The following DTNA variants were observed in gnomAD, a reference collection of about 807,000 sequenced individuals.
The protein encoded by DTNA is dystrophin-related protein 3.
DTNA carries 43 observed loss-of-function variants against 100.7 expected under a neutral mutation model. The observed-to-expected ratio is 0.43, with a 90% confidence interval of 0.33 to 0.55. DTNA has a LOEUF of 0.55. DTNA is among the 20% of genes least tolerant of loss of function. The pLI is 0.04. For missense variants in DTNA, 798 were observed against 953.9 expected (o/e 0.84, Z 2.15); for synonymous variants, 349 against 347.9 (o/e 1.00, Z -0.04).
At chr18:34,682,359 G>T (rs1485071051) in intron 1 of DTNA, among the ~76,000 whole-genome samples, 2 of 152,108 alleles carry the variant, frequency 1.3e-5, no homozygotes, top group Admixed American at 1.3e-4. Flanking sequence ...ATTACTTTTT[G>T]ATTTAATTAC....
At chr18:34,882,515 T>C (rs996818895) in intron 21 of DTNA, among the ~76,000 whole-genome samples, 1 of 152,022 alleles carries the variant, frequency 6.6e-6, no homozygotes, top group Non-Finnish European at 1.5e-5. Context: ...ACTACGGGCA[T>C]GCACCACCAC....
At chr18:34,884,872 C>T in intron 22 of DTNA, 96 bp downstream of exon 22, 1 of 1,401,178 alleles carries the variant, frequency 7.1e-7, no homozygotes, top group Non-Finnish European at 1.0e-6. Context: ...TTAGTCATTT[C>T]TTTCTATGTG....
intron 1 of DTNA, among the ~76,000 whole-genome samples, chr18:34,685,315 A>T (rs1230318686): frequency 6.6e-6 from 1 of 152,150 alleles, no homozygotes; most frequent in African/African-American, 2.4e-5. Flanking sequence ...TAATTTTTGT[A>T]TGAGGTGTAA....
intron 1 of DTNA, among the ~76,000 whole-genome samples, chr18:34,536,473 A>G (rs1333058800): frequency 1.3e-5 from 2 of 151,998 alleles, no homozygotes; most frequent in Admixed American, 1.3e-4. Flanking sequence ...ATCTGGGAAA[A>G]GTGATAGCTC....
At chr18:34,558,953 C>G (rs957268417) in intron 1 of DTNA, among the ~76,000 whole-genome samples, 1 of 152,196 alleles carries the variant, frequency 6.6e-6, no homozygotes, top group Admixed American at 6.5e-5. Flanking sequence ...CTGTGACAAA[C>G]TGCATATGCT....
intron 1 of DTNA, among the ~76,000 whole-genome samples, chr18:34,548,445 A>T (rs955872910): frequency 5.3e-5 from 8 of 152,134 alleles, no homozygotes; most frequent in African/African-American, 1.7e-4. Flanking sequence ...AGTAGAAACA[A>T]TCTCATTTGA....
chr18:34,645,717 A>T (rs1379112354), intron 1 of DTNA, among the ~76,000 whole-genome samples: 1 of 152,136 alleles, frequency 6.6e-6, no homozygotes, highest in African/African-American at 2.4e-5. Context: ...GAGTCTCTTC[A>T]GTTTCCTGCA....
intron 1 of DTNA, among the ~76,000 whole-genome samples, chr18:34,747,374 T>G (rs981367453): frequency 1.6e-4 from 25 of 152,164 alleles, no homozygotes; most frequent in Admixed American, 7.2e-4. Context: ...TTTTGGGGGC[T>G]ATAGGTGGTT....
intron 1 of DTNA, among the ~76,000 whole-genome samples, chr18:34,565,429 C>T (rs1304916626): frequency 1.3e-5 from 2 of 152,156 alleles, no homozygotes; most frequent in Non-Finnish European, 2.9e-5. Context: ...GTATTGGCTT[C>T]CTAGGGCTGT....
intron 1 of DTNA, among the ~76,000 whole-genome samples, chr18:34,573,746 T>C (rs907756053): frequency 6.6e-6 from 1 of 152,224 alleles, no homozygotes; most frequent in African/African-American, 2.4e-5. Flanking sequence ...TTTCAAAATA[T>C]CATACATTGT....
At chr18:34,850,447 G>T (rs2096459428) in intron 14 of DTNA, among the ~76,000 whole-genome samples, 1 of 152,152 alleles carries the variant, frequency 6.6e-6, no homozygotes, top group African/African-American at 2.4e-5. Context: ...AAAATTTCTT[G>T]TTAGCTATAT....
intron 17 of DTNA, among the ~76,000 whole-genome samples, chr18:34,872,517 G>GT (rs747989502): frequency 9.2e-5 from 14 of 152,264 alleles, no homozygotes; most frequent in Admixed American, 2.6e-4. Context: ...TGCAGATATC[G>GT]TATCAGTTAC....
At chr18:34,565,515 CA>C (rs1208523739) in intron 1 of DTNA, among the ~76,000 whole-genome samples, 3 of 152,132 alleles carry the variant, frequency 2.0e-5, no homozygotes, top group African/African-American at 7.2e-5. Context: ...GCTAGAAGTC[CA>C]AAATCAAAGC....
chr18:34,779,086 G>T (rs559014096), intron 3 of DTNA, among the ~76,000 whole-genome samples: 2 of 151,932 alleles, frequency 1.3e-5, no homozygotes, highest in African/African-American at 4.8e-5. Context: ...CCCTCCATGT[G>T]CCAGGTGCTC....
At chr18:34,713,062 C>T (rs2083222449) in intron 1 of DTNA, among the ~76,000 whole-genome samples, 1 of 151,672 alleles carries the variant, frequency 6.6e-6, no homozygotes, top group African/African-American at 2.4e-5. Flanking sequence ...TATTATTGAC[C>T]ACTATGTAAT....
At chr18:34,723,854 G>A (rs1223210643) in intron 1 of DTNA, among the ~76,000 whole-genome samples, 1 of 151,842 alleles carries the variant, frequency 6.6e-6, no homozygotes, top group African/African-American at 2.4e-5. Flanking sequence ...AGCCAAGATC[G>A]TGCCACTGCA....
At chr18:34,578,266 A>G (rs1479402872) in intron 1 of DTNA, among the ~76,000 whole-genome samples, 1 of 151,956 alleles carries the variant, frequency 6.6e-6, no homozygotes, top group African/African-American at 2.4e-5. Flanking sequence ...GGCCATTTGT[A>G]TATCTTCTTT....
intron 1 of DTNA, among the ~76,000 whole-genome samples, chr18:34,729,098 A>G (rs1246902123): frequency 2.0e-5 from 3 of 152,234 alleles, no homozygotes; most frequent in Non-Finnish European, 4.4e-5. Flanking sequence ...AAAAGAGAGT[A>G]TGATGTCAAT....
chr18:34,673,204 G>T (rs1485437598), intron 1 of DTNA, among the ~76,000 whole-genome samples: 1 of 152,064 alleles, frequency 6.6e-6, no homozygotes, highest in Non-Finnish European at 1.5e-5. Context: ...TCCCACCTCA[G>T]CCTCCCAAGC....
Sources: allele counts gnomAD v4.1 joint callset (sites outside exome capture counted in the v4.1 genomes callset), GRCh38; gene constraint gnomAD v4.1.1; transcripts MANE v1.5; gene names NCBI Gene and HGNC (gene_info 2026-07-23, HGNC 2026-07-21).